The following PBX1 variants were observed in gnomAD, a reference collection of about 807,000 sequenced individuals.
The protein encoded by PBX1 is PBX homeobox 1.
A neutral mutation model predicts 53.4 loss-of-function variants in PBX1; 6 were observed. The ratio of observed to expected loss-of-function variants is 0.11; its 90% confidence interval spans 0.06 to 0.22. The LOEUF (loss-of-function observed/expected upper bound fraction) is 0.22, where lower values mean the gene tolerates loss of function less well. Among genes scored for constraint, PBX1 ranks in the 10% least tolerant of loss-of-function variants. The pLI is 1.00. For synonymous variants in PBX1, 204 were observed against 212.3 expected (o/e 0.96, Z 0.34); for missense variants, 251 against 551.4 (o/e 0.46, Z 5.46).
chr1:164,580,825 C>G (rs12025844), intron 2 of PBX1, among the ~76,000 whole-genome samples: 3,686 of 152,280 alleles, frequency 0.024, 185 homozygotes, highest in East Asian at 0.18. Context: ...GTGATCCACC[C>G]TCCTCGACCT....
At chr1:164,707,242 C>T (rs1432699525) in intron 2 of PBX1, among the ~76,000 whole-genome samples, 1 of 152,154 alleles carries the variant, frequency 6.6e-6, no homozygotes, top group Non-Finnish European at 1.5e-5. Flanking sequence ...AAGGTTTTAA[C>T]GTGCCTTACC....
In PBX1 at chr1:164,567,659, G is replaced by A. The variant is rs956901077; in HGVS notation, c.265+4348G>A. 2.6e-5 allele frequency among the ~76,000 whole-genome samples: 4 copies of A among 152,238 alleles called. No individual in the cohort carries two copies. In the East Asian group the frequency reaches 7.7e-4, roughly 29 times the overall value. ...GACAGACATAATATAAGAAGAACTT[G>A]TAATGAGAAATGACTTTTCTTTTTA... On this transcript the variant is annotated intron_variant, in intron 2 of 8. Coordinates refer to ENST00000420696, the MANE Select transcript of PBX1 (RefSeq NM_002585.4).
intron 2 of PBX1, among the ~76,000 whole-genome samples, chr1:164,790,466 A>G (rs982435068): frequency 2.6e-5 from 4 of 152,126 alleles, no homozygotes; most frequent in African/African-American, 9.7e-5. Context: ...ATGACGTGGT[A>G]GTGTTGTGGT....
At chr1:164,883,784 A>C (rs2102468674) in intron 2 of PBX1, among the ~76,000 whole-genome samples, 1 of 152,330 alleles carries the variant, frequency 6.6e-6, no homozygotes, top group South Asian at 2.1e-4. Flanking sequence ...GCTACTCAGA[A>C]ACAAGTACAA....
chr1:164,748,190 A>G (rs1215081964), intron 2 of PBX1, among the ~76,000 whole-genome samples: 3 of 152,202 alleles, frequency 2.0e-5, no homozygotes, highest in Non-Finnish European at 4.4e-5. Flanking sequence ...TAAAAAGTAC[A>G]TGATAAAGAA....
At chr1:164,726,726 GT>G (rs1664719163) in intron 2 of PBX1, among the ~76,000 whole-genome samples, 1 of 152,108 alleles carries the variant, frequency 6.6e-6, no homozygotes, top group Admixed American at 6.5e-5. Flanking sequence ...TGTTTTACTA[GT>G]AAAAGCAGCT....
At chr1:164,774,025 A>G (rs1039895856) in intron 2 of PBX1, among the ~76,000 whole-genome samples, 4 of 152,238 alleles carry the variant, frequency 2.6e-5, no homozygotes, top group Admixed American at 1.3e-4. Context: ...AGAAAAGGAT[A>G]GATGGCAAGA....
At chr1:164,743,637 G>A (rs1665737455) in intron 2 of PBX1, among the ~76,000 whole-genome samples, 2 of 152,132 alleles carry the variant, frequency 1.3e-5, no homozygotes, top group Admixed American at 6.5e-5. Flanking sequence ...TCTCAGCCAA[G>A]CACATTAAAA....
At chr1:164,624,501 A>G (rs1050311030) in intron 2 of PBX1, among the ~76,000 whole-genome samples, 1 of 152,238 alleles carries the variant, frequency 6.6e-6, no homozygotes, top group Non-Finnish European at 1.5e-5. Context: ...TTCCTCTAAC[A>G]TGGTGATTCT....
intron 2 of PBX1, among the ~76,000 whole-genome samples, chr1:164,722,607 C>T (rs1664470385): frequency 6.6e-6 from 1 of 152,184 alleles, no homozygotes; most frequent in South Asian, 2.1e-4. Flanking sequence ...TTGGATCTCT[C>T]TCCCTCTCCT....
chr1:164,656,994 G>A (rs1488641082), intron 2 of PBX1: 1 of 152,116 alleles, frequency 6.6e-6, no homozygotes. Flanking sequence ...ACTCCCATAT[G>A]GAGTATTTGA....
chr1:164,600,657 A>T (rs747199698), intron 2 of PBX1, among the ~76,000 whole-genome samples: 2 of 152,196 alleles, frequency 1.3e-5, no homozygotes, highest in Non-Finnish European at 2.9e-5. Context: ...CCTGTTTAAC[A>T]CAGTGTAGCT....
At chr1:164,739,753 A>G (rs201594908) in intron 2 of PBX1, among the ~76,000 whole-genome samples, 4 of 143,036 alleles carry the variant, frequency 2.8e-5, no homozygotes, top group African/African-American at 1.0e-4. Context: ...GTGGTTGTGC[A>G]TGTGTGTGTG....
At chr1:164,682,217 A>G (rs1051241304) in intron 2 of PBX1, 10 of 152,366 alleles carry the variant, frequency 6.6e-5, no homozygotes, top group Admixed American at 3.3e-4. Context: ...TCTTTAATGC[A>G]TTACTAATTC....
At chr1:164,821,080 CTCAA>C (rs1266932470) in intron 7 of PBX1, among the ~76,000 whole-genome samples, 1 of 152,198 alleles carries the variant, frequency 6.6e-6, no homozygotes, top group Admixed American at 6.5e-5. Context: ...AATACAAGGT[CTCAA>C]TCAAGTACTG....
At chr1:164,774,321 T>C (rs1424810309) in intron 2 of PBX1, 1 of 152,216 alleles carries the variant, frequency 6.6e-6, no homozygotes, top group African/African-American at 2.4e-5. Context: ...TGCTGGACTC[T>C]CAAGTTTTCG....
chr1:164,829,497 C>A (rs1013686316), intron 8 of PBX1: 2 of 152,094 alleles, frequency 1.3e-5, no homozygotes, highest in African/African-American at 4.8e-5. Context: ...ATATGGCTAG[C>A]TCGTTATCCT....
chr1:164,881,873 C>G (rs2102466774), intron 2 of PBX1, among the ~76,000 whole-genome samples: 1 of 152,288 alleles, frequency 6.6e-6, no homozygotes, highest in African/African-American at 2.4e-5. Flanking sequence ...ATCTTAGAAG[C>G]TCATTCACTT....
chr1:164,805,688 T>C (rs1460704896), intron 4 of PBX1, among the ~76,000 whole-genome samples: 1 of 152,228 alleles, frequency 6.6e-6, no homozygotes, highest in African/African-American at 2.4e-5. Context: ...AAAGGTTATC[T>C]AAAGCCTGGC....
Sources: gnomAD v4.1 joint callset for allele counts (sites outside exome capture counted in the v4.1 genomes callset) on GRCh38, gnomAD v4.1.1 for gene constraint, MANE v1.5 for transcripts, NCBI Gene and HGNC (gene_info 2026-07-23, HGNC 2026-07-21) for gene names.